The following HABP2 variants were observed in gnomAD, a reference collection of about 807,000 sequenced individuals.
The protein encoded by HABP2 is factor VII-activating protease.
A neutral mutation model predicts 66.5 loss-of-function variants in HABP2; 65 were observed. The ratio of observed to expected loss-of-function variants is 0.98; its 90% CI spans 0.80 to 1.20. HABP2 has a LOEUF of 1.20. Among genes scored for constraint, HABP2 ranks in the 50% most tolerant of loss-of-function variants. HABP2 has a pLI of 0.00. For missense variants in HABP2, 786 were observed against 691.0 expected (o/e 1.14, Z -1.54); for synonymous variants, 263 against 253.9 (o/e 1.04, Z -0.34).
chr10:113,581,819 T>C, intron 8 of HABP2, 57 bp from the exon 9 acceptor site: 1 of 1,587,070 alleles, frequency 6.3e-7, no homozygotes, highest in Non-Finnish European at 8.6e-7. Flanking sequence ...GCCTGAGCCC[T>C]GCTGAGGAAC....
chr10:113,588,906 G>T lies in HABP2; in HGVS notation c.*537G>T. 8.1e-7 allele frequency: 1 copy of T among 1,242,002 alleles called. No homozygotes were observed. The highest frequency in any genetic ancestry group is 1.3e-5 in the South Asian group (1 of 79,564). The allele number at this position is 1,242,002 out of a possible 1,614,324, so 76.9% of individuals were successfully genotyped here. A position where few individuals can be genotyped will look rare whatever the true frequency, so the allele number is the denominator to read the frequency against. On this transcript the variant is annotated 3_prime_UTR_variant, in exon 13 of 13. Transcript: ENST00000351270. The stretch of plus-strand genomic sequence containing the variant: ...GCCATTCCAGCTTGCCGAAATCAAA[G>T]CCATCTGAAGCCTGTCTCTGGTGAA...
At chr10:113,552,419 T>G (rs1012247132), upstream of HABP2, among the ~76,000 whole-genome samples, 1 of 152,154 alleles carries the variant, frequency 6.6e-6, no homozygotes, top group Non-Finnish European at 1.5e-5. Context: ...AGGAAACAAT[T>G]GTCCTGAAAT....
chr10:113,578,119 A>G lies in HABP2; in HGVS notation c.542A>G (p.Gln181Arg), dbSNP rs559972478. 10 of 1,614,152 alleles carry G rather than the reference A, an allele frequency of 6.2e-6. No individual in the cohort carries two copies. In the African/African-American group the frequency reaches 1.2e-4, roughly 19 times the overall value. The change falls in exon 6 of 13, where the codon CAG (glutamine) becomes CGG (arginine). Residue 181 changes from glutamine to arginine, a missense_variant. Coordinates refer to ENST00000351270, the MANE Select transcript of HABP2 (RefSeq NM_004132.5). ...AAGTTCACCTGTGCCTGTCCCGACCAGTTCAAGGGGAAATTCTGTGAAATA... is the reference window on the plus strand; with the variant it reads ...AAGTTCACCTGTGCCTGTCCCGACCGGTTCAAGGGGAAATTCTGTGAAATA... Reference protein sequence around the residue: ...RSKFTCACPDQFKGKFCEIGS... With the variant: ...RSKFTCACPDRFKGKFCEIGS...
At chr10:113,587,563 A>T (rs1297196908) in intron 12 of HABP2, among the ~76,000 whole-genome samples, 1 of 152,170 alleles carries the variant, frequency 6.6e-6, no homozygotes, top group Non-Finnish European at 1.5e-5. Context: ...ATTTTTTAAA[A>T]ACCTGTCAGT....
At chr10:113,574,162 G>T in intron 2 of HABP2, 127 bp from the exon 3 acceptor site, 1 of 638,602 alleles carries the variant, frequency 1.6e-6, no homozygotes, top group South Asian at 1.8e-5. Flanking sequence ...GTGCAGAGCT[G>T]GAGAGACACA....
At chr10:113,578,220 A>G in intron 6 of HABP2, 75 bp downstream of exon 6, 1 of 1,512,674 alleles carries the variant, frequency 6.6e-7, no homozygotes, top group South Asian at 1.2e-5. Flanking sequence ...TTGTTGCCAG[A>G]ATGTGGTTCA....
intron 9 of HABP2, among the ~76,000 whole-genome samples, 200 bp downstream of exon 9, chr10:113,582,331 A>G (rs1370982716): frequency 6.6e-6 from 1 of 152,248 alleles, no homozygotes; most frequent in Non-Finnish European, 1.5e-5. Flanking sequence ...CATTTATTAT[A>G]TGACATTTAA....
In HABP2 at chr10:113,578,110, G is replaced by C. The variant is rs573445354; in HGVS notation, c.533G>C (p.Cys178Ser). The change falls in exon 6 of 13, where the codon TGT (cysteine) becomes TCT (serine). Residue 178 changes from cysteine to serine, a missense_variant. By Grantham distance (112) the Cys-to-Ser change is moderately radical (BLOSUM62 -1). Coordinates refer to ENST00000351270, the MANE Select transcript of HABP2 (RefSeq NM_004132.5). ...CGGAGATCCAAGTTCACCTGTGCCT[G>C]TCCCGACCAGTTCAAGGGGAAATTC... Reference protein sequence around the residue: ...HKRRSKFTCACPDQFKGKFCE... With the variant: ...HKRRSKFTCASPDQFKGKFCE... The C allele has an allele frequency of 1.9e-6, 3 of 1,614,164 alleles. No individual in the cohort carries two copies. In the South Asian group the frequency reaches 3.3e-5, roughly 18 times the overall value.
At chr10:113,581,744 C>G in intron 8 of HABP2, 132 bp from the exon 9 acceptor site, 1 of 812,612 alleles carries the variant, frequency 1.2e-6, no homozygotes, top group Non-Finnish European at 2.1e-6. Flanking sequence ...CCCACCCTGT[C>G]TGCACCAGTG....
In HABP2 at chr10:113,588,791, T is replaced by C. The variant is rs1845736666; in HGVS notation, c.*422T>C. 4 of 599,860 alleles carry C rather than the reference T, an allele frequency of 6.7e-6. No individual in the cohort carries two copies. The South Asian group carries it at 8.4e-5, about 13-fold the overall frequency. 37.2% of individuals were successfully genotyped at this position (599,860 alleles called of 1,614,324 possible). Reference sequence around the variant, plus strand: ...CTCAACAGAATCAGCCATCCACGTCTAGGTATCAGAGAGGACCACAAATAC... The same window carrying C: ...CTCAACAGAATCAGCCATCCACGTCCAGGTATCAGAGAGGACCACAAATAC... On this transcript the variant is annotated 3_prime_UTR_variant, in exon 13 of 13. Transcript: ENST00000351270.
At position 113,584,130 on chromosome 10, in the gene HABP2, A is replaced by G. The variant is rs747688847; in HGVS notation, c.1238-18A>G. The G allele has an allele frequency of 6.2e-7, 1 of 1,610,770 alleles. No individual in the cohort carries two copies. Among genetic ancestry groups the G allele is most frequent in the South Asian group, 1.1e-5 (1 of 90,652 alleles). On this transcript the variant is annotated intron_variant, in intron 10 of 12. Transcript: ENST00000351270. ...AGAGGTGACATCGCATCCATTTTCT[A>G]CCTCTCTCTCCACCTAGCATTGCTC...
At chr10:113,580,749 G>A in intron 8 of HABP2, 57 bp downstream of exon 8, 1 of 880,592 alleles carries the variant, frequency 1.1e-6, no homozygotes, top group Non-Finnish European at 1.9e-6. Context: ...GATTTGTAGG[G>A]AGATGTCCCT....
chr10:113,555,690 G>A (rs1431083519), intron 1 of HABP2, among the ~76,000 whole-genome samples: 4 of 152,096 alleles, frequency 2.6e-5, no homozygotes, highest in Non-Finnish European at 5.9e-5. Context: ...TGTTCTACTC[G>A]AGGTTTGGTT....
intron 12 of HABP2, among the ~76,000 whole-genome samples, chr10:113,586,360 CAG>C (rs137864804): frequency 0.01 from 1,535 of 151,490 alleles, 20 homozygotes; most frequent in African/African-American, 0.035. Context: ...TCCCAGTAAA[CAG>C]GGAACTGTCC....
Position 113,589,137 on chromosome 10 carries a change from C to T in HABP2, c.*768C>T, listed in dbSNP as rs528549803. 211 of 1,431,056 alleles carry T rather than the reference C, an allele frequency of 1.5e-4. No individual in the cohort carries two copies. The highest frequency in any genetic ancestry group is 1.4e-3 in the African/African-American group (99 of 71,370). The allele number at this position is 1,431,056 out of a possible 1,614,324, so 88.6% of individuals were successfully genotyped here. On this transcript the variant is annotated 3_prime_UTR_variant, in exon 13 of 13. Coordinates refer to ENST00000351270, the MANE Select transcript of HABP2 (RefSeq NM_004132.5). ...GAAGCTCCCCCACCCCCACTCCCGG[C>T]CCCGGTTCCCACAGGACACGCTAAG... is the stretch of plus-strand genomic sequence containing the variant.
chr10:113,573,040 C>T (rs1163591954), intron 2 of HABP2, among the ~76,000 whole-genome samples: 1 of 152,254 alleles, frequency 6.6e-6, no homozygotes. Flanking sequence ...TCCAAGCCAT[C>T]AGCTGGCTCC....
At chr10:113,552,302 T>A (rs1217603501), upstream of HABP2, among the ~76,000 whole-genome samples, 3 of 152,172 alleles carry the variant, frequency 2.0e-5, no homozygotes, top group African/African-American at 7.2e-5. Context: ...GAGATTAAGA[T>A]CATGCCTATT....
chr10:113,566,144 C>T (rs1845193237), intron 1 of HABP2, among the ~76,000 whole-genome samples: 1 of 152,230 alleles, frequency 6.6e-6, no homozygotes, highest in South Asian at 2.1e-4. Flanking sequence ...TCATTGATCT[C>T]AGCTTTCTGG....
chr10:113,573,492 G>A (rs1390166502), intron 2 of HABP2, among the ~76,000 whole-genome samples: 2 of 152,214 alleles, frequency 1.3e-5, no homozygotes, highest in Admixed American at 6.5e-5. Context: ...TGAAACAGTT[G>A]AGTGCTACAG....
Sources: gnomAD v4.1 joint callset for allele counts (sites outside exome capture counted in the v4.1 genomes callset) on GRCh38, gnomAD v4.1.1 for gene constraint, MANE v1.5 for transcripts, NCBI Gene and HGNC (gene_info 2026-07-23, HGNC 2026-07-21) for gene names.